Variants in SAMD5 observed in about 807,000 individuals in gnomAD.
SAMD5 encodes sterile alpha motif domain containing 5.
SAMD5 carries 13 observed loss-of-function variants against 11.3 expected under a neutral mutation model. The ratio of observed to expected loss-of-function variants is 1.15; its 90% confidence interval spans 0.75 to 1.83. The LOEUF is 1.83. SAMD5 is among the 40% of genes most tolerant of loss of function. The pLI is 0.00. For synonymous variants in SAMD5, 129 were observed against 111.3 expected (o/e 1.16, Z -1.00); for missense variants, 255 against 239.1 (o/e 1.07, Z -0.44).
At chr6:147,774,882 T>G in the SAMD5 span, among the ~76,000 whole-genome samples, 1 of 152,124 alleles carries the variant, frequency 6.6e-6, no homozygotes, top group African/African-American at 2.4e-5. Context: ...CCACCTCCTC[T>G]TCACACACAC....
the SAMD5 span, among the ~76,000 whole-genome samples, chr6:147,771,921 G>A: frequency 3.3e-5 from 5 of 152,094 alleles, no homozygotes; most frequent in Non-Finnish European, 1.5e-5. Context: ...TTATATGCTT[G>A]CCCCTAGCAC....
At chr6:147,644,240 G>A (rs182997618) in intron 1 of SAMD5, among the ~76,000 whole-genome samples, 3 of 152,216 alleles carry the variant, frequency 2.0e-5, no homozygotes, top group South Asian at 4.1e-4. Flanking sequence ...AATCAGAGGA[G>A]GGAGGAATCT....
At chr6:147,586,081 G>A (rs776501477) in intron 1 of SAMD5, among the ~76,000 whole-genome samples, 9 of 152,290 alleles carry the variant, frequency 5.9e-5, no homozygotes, top group East Asian at 3.9e-4. Context: ...ATTGTAGGGC[G>A]CCATGATTAA....
At chr6:147,571,122 C>A (rs544734042), downstream of SAMD5, among the ~76,000 whole-genome samples, 1 of 152,304 alleles carries the variant, frequency 6.6e-6, no homozygotes, top group East Asian at 1.9e-4. Context: ...AGCATTGTGG[C>A]TTGAAAACCT....
the SAMD5 span, among the ~76,000 whole-genome samples, chr6:147,887,475 A>G: frequency 6.6e-6 from 1 of 152,372 alleles, no homozygotes; most frequent in African/African-American, 2.4e-5. Flanking sequence ...TCCATCTCAC[A>G]TTGAGATTCA....
At chr6:147,848,735 C>A in the SAMD5 span, among the ~76,000 whole-genome samples, 3 of 152,168 alleles carry the variant, frequency 2.0e-5, no homozygotes, top group African/African-American at 7.2e-5. Context: ...AATTGCCACA[C>A]GTTGTGAGAC....
intron 1 of SAMD5, among the ~76,000 whole-genome samples, chr6:147,663,857 C>G (rs1417547890): frequency 7.0e-6 from 1 of 142,230 alleles, no homozygotes; most frequent in Non-Finnish European, 1.5e-5. Context: ...AAAAAAAATT[C>G]TATGATCATG....
the SAMD5 span, among the ~76,000 whole-genome samples, chr6:147,807,183 T>C: frequency 6.6e-6 from 1 of 152,112 alleles, no homozygotes; most frequent in Non-Finnish European, 1.5e-5. Context: ...CACTGCAAGC[T>C]CCGCCTCCCA....
chr6:147,893,003 C>T, the SAMD5 span, among the ~76,000 whole-genome samples: 8 of 151,998 alleles, frequency 5.3e-5, no homozygotes, highest in Admixed American at 2.6e-4. Flanking sequence ...GCCTGAAGTC[C>T]GGAGTTCAAG....
chr6:147,924,320 T>C, the SAMD5 span, among the ~76,000 whole-genome samples: 1 of 152,170 alleles, frequency 6.6e-6, no homozygotes. Context: ...GAATCTACAA[T>C]GTAACTGAAC....
chr6:147,759,959 T>G, the SAMD5 span, among the ~76,000 whole-genome samples: 2 of 152,224 alleles, frequency 1.3e-5, no homozygotes, highest in African/African-American at 2.4e-5. Flanking sequence ...ATCTACACTC[T>G]TCCCTATGAA....
At chr6:147,525,622 T>A (rs748756305) in intron 1 of SAMD5, among the ~76,000 whole-genome samples, 17 of 152,150 alleles carry the variant, frequency 1.1e-4, no homozygotes, top group Non-Finnish European at 2.2e-4. Context: ...ATCACAGTCA[T>A]CGGCCTTCTA....
chr6:147,905,139 C>T, the SAMD5 span, among the ~76,000 whole-genome samples: 3 of 152,154 alleles, frequency 2.0e-5, no homozygotes, highest in Non-Finnish European at 4.4e-5. Context: ...CCACCCGCCT[C>T]GGCCTCCCAA....
chr6:147,944,992 A>G, the SAMD5 span, among the ~76,000 whole-genome samples: 2 of 152,198 alleles, frequency 1.3e-5, no homozygotes, highest in East Asian at 3.9e-4. Flanking sequence ...CAACTGAGAT[A>G]TAGTCCCCAT....
the SAMD5 span, among the ~76,000 whole-genome samples, chr6:147,879,853 G>A: frequency 6.6e-6 from 1 of 152,134 alleles, no homozygotes; most frequent in Non-Finnish European, 1.5e-5. Flanking sequence ...TCTAACCCGT[G>A]GCATTGGACA....
the SAMD5 span, among the ~76,000 whole-genome samples, chr6:147,811,276 C>A: frequency 6.6e-6 from 1 of 152,144 alleles, no homozygotes; most frequent in African/African-American, 2.4e-5. Flanking sequence ...AACAGGAAAC[C>A]CATTCTCAAG....
At chr6:147,932,568 CTG>C in the SAMD5 span, among the ~76,000 whole-genome samples, 34 of 149,282 alleles carry the variant, frequency 2.3e-4, no homozygotes, top group Non-Finnish European at 4.7e-4. Flanking sequence ...GAAAATAGAG[CTG>C]TGTCAGGTCT....
the SAMD5 span, among the ~76,000 whole-genome samples, chr6:147,804,159 G>T: frequency 6.7e-6 from 1 of 148,602 alleles, no homozygotes; most frequent in East Asian, 2.0e-4. Flanking sequence ...CCAGGCTGGA[G>T]TGCAGTGGCA....
intron 1 of SAMD5, among the ~76,000 whole-genome samples, chr6:147,640,898 TTAAG>T (rs1189338667): frequency 1.3e-5 from 2 of 152,182 alleles, no homozygotes; most frequent in Non-Finnish European, 2.9e-5. Context: ...TGCTTAGCAA[TTAAG>T]TATTTTTTAA....
Sources: allele counts gnomAD v4.1 joint callset (sites outside exome capture counted in the v4.1 genomes callset), GRCh38; gene constraint gnomAD v4.1.1; transcripts MANE v1.5; gene names NCBI Gene and HGNC (gene_info 2026-07-23, HGNC 2026-07-21).